Variants in MRC1 observed in about 807,000 individuals in gnomAD.
MRC1 encodes the protein mannose receptor C-type 1.
Under a neutral mutation model 102.9 loss-of-function variants are expected in MRC1, and 62 were observed. The ratio of observed to expected loss-of-function variants is 0.60; its 90% CI spans 0.49 to 0.74. The LOEUF (loss-of-function observed/expected upper bound fraction) is 0.74, where lower values mean the gene tolerates loss of function less well. MRC1 is among the 30% of genes least tolerant of loss of function. The pLI is 0.00. For missense variants in MRC1, 1,237 were observed against 862.8 expected, an observed-to-expected ratio of 1.43 and a Z score of -5.43; for synonymous variants, 457 against 298.4, an observed-to-expected ratio of 1.53 and a Z score of -5.48.
chr10:17,906,890 C>T lies in MRC1; in HGVS notation c.3804C>T (p.Ser1268=). Residue 1268 remains serine, a synonymous_variant, in exon 27 of 30, where the codon TCC becomes TCT. Transcript: ENST00000569591. ...QASLECLRMG[S]SLVSIESAAE... is the part of the protein sequence containing the mutation. ...TTATCCTTTTACGCTTTCTAGGTTCCTCTCTGGTTTCCATTGAAAGTGCTG... is the reference window on the plus strand; with the variant it reads ...TTATCCTTTTACGCTTTCTAGGTTCTTCTCTGGTTTCCATTGAAAGTGCTG... The T allele has an allele frequency of 1.3e-6, 1 of 785,106 alleles. No homozygotes were observed. The highest frequency in any genetic ancestry group is 2.4e-6 in the Non-Finnish European group (1 of 421,940). 48.6% of individuals were successfully genotyped at this position (785,106 alleles called of 1,614,324 possible). A position where few individuals can be genotyped will look rare whatever the true frequency, so the allele number is the denominator to read the frequency against.
At chr10:17,831,591 G>A (rs980883615) in intron 3 of MRC1, among the ~76,000 whole-genome samples, 3 of 151,436 alleles carry the variant, frequency 2.0e-5, no homozygotes, top group African/African-American at 7.4e-5. Context: ...AGTTACAAGA[G>A]TGTAGGCTAT....
At chr10:17,812,217 C>A (rs926096342) in intron 1 of MRC1, among the ~76,000 whole-genome samples, 1 of 152,158 alleles carries the variant, frequency 6.6e-6, no homozygotes, top group African/African-American at 2.4e-5. Flanking sequence ...TAGACGCTCA[C>A]CTTTCCTACT....
chr10:17,846,717 C>T (rs547187), intron 6 of MRC1, among the ~76,000 whole-genome samples: 63,000 of 151,718 alleles, frequency 0.42, 13,216 homozygotes, highest in East Asian at 0.47. Context: ...TTCCACTTAA[C>T]AACAATTTTG....
At chr10:17,863,010 T>G (rs1198186654) in intron 10 of MRC1, 4 of 156,184 alleles carry the variant, frequency 2.6e-5, no homozygotes, top group Non-Finnish European at 5.7e-5. Context: ...AGTCTCTGCT[T>G]CTCTGTATTT....
intron 8 of MRC1, 64 bp from the exon 9 acceptor site, chr10:17,856,178 A>C (rs1376691661): frequency 2.7e-6 from 2 of 728,234 alleles, no homozygotes; most frequent in Non-Finnish European, 4.8e-6. Context: ...TCAAAAAAAA[A>C]AAAAAAAAAA....
intron 18 of MRC1, 93 bp from the exon 19 acceptor site, chr10:17,879,628 G>T: frequency 1.3e-6 from 1 of 780,210 alleles, no homozygotes; most frequent in Non-Finnish European, 2.4e-6. Flanking sequence ...CTCCCATGGT[G>T]CTGGGATTAC....
chr10:17,849,842 A>C, intron 7 of MRC1, 78 bp downstream of exon 7: 1 of 661,886 alleles, frequency 1.5e-6, no homozygotes, highest in South Asian at 1.9e-5. Context: ...GGAAAATTCT[A>C]TCATAAACAT....
intron 1 of MRC1, among the ~76,000 whole-genome samples, chr10:17,812,170 C>T (rs1370650900): frequency 3.3e-5 from 5 of 152,190 alleles, no homozygotes; most frequent in Admixed American, 2.0e-4. Flanking sequence ...GGCTGGTTCT[C>T]CCTGGAGGGG....
chr10:17,894,988 C>G (rs1833735576), intron 23 of MRC1, among the ~76,000 whole-genome samples: 1 of 152,132 alleles, frequency 6.6e-6, no homozygotes, highest in African/African-American at 2.4e-5. Context: ...GCCTGGTTAA[C>G]ACAGTGAAAT....
rs899772185 is a variant in MRC1, at chr10:17,833,682, C to A, written c.645C>A (p.Gly215=). 1 of 781,010 alleles carries A rather than the reference C, an allele frequency of 1.3e-6. No homozygotes were observed. The allele number at this position is 781,010 out of a possible 1,614,324, so 48.4% of individuals were successfully genotyped here. A position where few individuals can be genotyped will look rare whatever the true frequency, so the allele number is the denominator to read the frequency against. ...LFGYCPLKFE[G]SESLWNKDPL... is the part of the protein sequence containing the mutation. Reference sequence around the variant, plus strand: ...ATCTGATTTCTTTCACAGTTGAGGGCAGTGAAAGCTTATGGAATAAAGACC... The same window carrying A: ...ATCTGATTTCTTTCACAGTTGAGGGAAGTGAAAGCTTATGGAATAAAGACC... The change falls in exon 4 of 30, where the codon GGC becomes GGA. Residue 215 remains glycine, a synonymous_variant. Coordinates refer to ENST00000569591, the MANE Select transcript of MRC1 (RefSeq NM_002438.4).
chr10:17,902,936 C>G (rs1833848005), intron 26 of MRC1, among the ~76,000 whole-genome samples: 1 of 152,224 alleles, frequency 6.6e-6, no homozygotes, highest in African/African-American at 2.4e-5. Flanking sequence ...CGTCTACACT[C>G]ATTACATCTT....
chr10:17,866,910 G>C, intron 12 of MRC1, 149 bp downstream of exon 12: 1 of 711,818 alleles, frequency 1.4e-6, no homozygotes, highest in Non-Finnish European at 2.6e-6. Context: ...ATTAACCCGG[G>C]GATCAATTGT....
chr10:17,814,618 C>T (rs978445996), intron 1 of MRC1, among the ~76,000 whole-genome samples: 27 of 151,582 alleles, frequency 1.8e-4, no homozygotes, highest in African/African-American at 5.3e-4. Flanking sequence ...TAACCCTCCA[C>T]ACCACATCCC....
chr10:17,854,635 G>T, intron 8 of MRC1: 1 of 165,270 alleles, frequency 6.1e-6, no homozygotes, highest in Non-Finnish European at 1.3e-5. Flanking sequence ...GCACTGGGCT[G>T]AGACCAACTA....
Position 17,853,600 on chromosome 10 carries a change from G to GTGTA in MRC1, c.1407+477_1407+478insGTAT, listed in dbSNP as rs1471594074. 3.3e-4 allele frequency among the ~76,000 whole-genome samples: 42 copies of GTGTA among 127,680 alleles called. No individual in the cohort carries two copies. The South Asian group carries it at 9.6e-3, about 29-fold the overall frequency. 83.8% of individuals were successfully genotyped at this position (127,680 alleles called of 152,430 possible). A position where few individuals can be genotyped will look rare whatever the true frequency, so the allele number is the denominator to read the frequency against. On this transcript the variant is annotated intron_variant, in intron 8 of 29. Coordinates refer to ENST00000569591, the MANE Select transcript of MRC1 (RefSeq NM_002438.4). Reference sequence around the variant, plus strand: ...TGTGTGTGTGTGTGTGTGTGTGTGTGTATATATATATATATGTAAAAAGAG... The same window carrying GTGTA: ...TGTGTGTGTGTGTGTGTGTGTGTGTGTGTATATATATATATATATGTAAAAAGAG...
chr10:17,845,182 G>A (rs781803343), intron 5 of MRC1, 107 bp from the exon 6 acceptor site: 6 of 779,866 alleles, frequency 7.7e-6, no homozygotes, highest in Admixed American at 3.4e-5. Context: ...AAGACAGAAT[G>A]GTGGTCCATT....
At chr10:17,814,398 A>G (rs991479169) in intron 1 of MRC1, among the ~76,000 whole-genome samples, 1 of 152,212 alleles carries the variant, frequency 6.6e-6, no homozygotes, top group East Asian at 1.9e-4. Flanking sequence ...ATTAATATTT[A>G]TCAAGTGTGT....
chr10:17,809,632 G>C (rs1311204899), intron 1 of MRC1, 106 bp downstream of exon 1: 2 of 817,086 alleles, frequency 2.4e-6, no homozygotes, highest in Admixed American at 3.4e-5. Flanking sequence ...TTGTGAGGAG[G>C]AAACGGGGTT....
intron 22 of MRC1, among the ~76,000 whole-genome samples, chr10:17,889,453 G>T (rs902074837): frequency 2.0e-5 from 3 of 151,740 alleles, no homozygotes; most frequent in Non-Finnish European, 1.5e-5. Context: ...ACAAATAAAG[G>T]CGGGGTCTTT....
Sources: gnomAD v4.1 joint callset for allele counts (sites outside exome capture counted in the v4.1 genomes callset) on GRCh38, gnomAD v4.1.1 for gene constraint, MANE v1.5 for transcripts, NCBI Gene and HGNC (gene_info 2026-07-23, HGNC 2026-07-21) for gene names.